UNC13C: variants seen among roughly 807,000 people sequenced by gnomAD.
UNC13C encodes protein unc-13 homolog C.
In UNC13C, 174 loss-of-function variants were observed where a neutral mutation model predicts 245.4. The ratio of observed to expected loss-of-function variants is 0.71; its 90% confidence interval spans 0.63 to 0.80. The LOEUF (loss-of-function observed/expected upper bound fraction) is 0.80. UNC13C is among the 30% of genes least tolerant of loss of function. The probability of loss-of-function intolerance (pLI) is 0.00; values close to 1 mark genes in which losing one functional copy is unlikely to be tolerated. For synonymous variants in UNC13C, 992 were observed against 895.1 expected, an observed-to-expected ratio of 1.11 and a Z score of -1.93; for missense variants, 2,829 against 2,602.9, an observed-to-expected ratio of 1.09 and a Z score of -1.89.
At chr15:54,539,812 G>A (rs999249062) in intron 26 of UNC13C, among the ~76,000 whole-genome samples, 3 of 151,934 alleles carry the variant, frequency 2.0e-5, no homozygotes, top group Non-Finnish European at 2.9e-5. Context: ...TCTATAAAAC[G>A]GGGCTAATAG....
chr15:53,915,598 A>G, the UNC13C span, among the ~76,000 whole-genome samples: 1 of 152,254 alleles, frequency 6.6e-6, no homozygotes, highest in East Asian at 1.9e-4. Flanking sequence ...AAATAGGCAA[A>G]ATATTTAAGG....
chr15:54,010,965 G>C (rs1161803846), intron 1 of UNC13C, among the ~76,000 whole-genome samples: 4 of 152,200 alleles, frequency 2.6e-5, no homozygotes, highest in Non-Finnish European at 5.9e-5. Context: ...ATACTAAGTG[G>C]CTGAAATGTG....
At chr15:53,997,686 TTCTTC>T (rs879579030) in intron 1 of UNC13C, among the ~76,000 whole-genome samples, 5 of 152,112 alleles carry the variant, frequency 3.3e-5, no homozygotes, top group Admixed American at 6.6e-5. Context: ...TTTCTGGACT[TTCTTC>T]TATTCCAATT....
At position 54,236,515 on chromosome 15, in the gene UNC13C, G is replaced by A. The variant is rs2035705056; in HGVS notation, c.3156+80G>A. ...CTGCACTTACTCATGGGGTAAAAGA[G>A]GGCAAGAATGGAGAAATGAAAAGAC... On this transcript the variant is annotated intron_variant, in intron 6 of 32. Coordinates refer to ENST00000260323, the MANE Select transcript of UNC13C (RefSeq NM_001080534.3). 7.6e-6 allele frequency: 8 copies of A among 1,055,540 alleles called. No individual in the cohort carries two copies. The East Asian group carries it at 2.0e-4, about 26-fold the overall frequency. The allele number at this position is 1,055,540 out of a possible 1,614,324, so 65.4% of individuals were successfully genotyped here.
intron 30 of UNC13C, among the ~76,000 whole-genome samples, chr15:54,579,970 T>C (rs1329465244): frequency 6.6e-6 from 1 of 152,238 alleles, no homozygotes; most frequent in Non-Finnish European, 1.5e-5. Flanking sequence ...TTTTTGTTAC[T>C]GCTGTTTGTT....
rs769903537 is a variant in UNC13C, at chr15:54,338,508, C to CT, written c.4713+23dup. 3.1e-6 allele frequency: 5 copies of CT among 1,608,430 alleles called. No homozygotes were observed. The East Asian group carries it at 1.1e-4, about 36-fold the overall frequency. Reference sequence around the variant, plus strand: ...AGACCCGGTAAGAAAATATGTATGTCTTTTATAATCGCCACTTTTGTTTCT... The same window carrying CT: ...AGACCCGGTAAGAAAATATGTATGTCTTTTTATAATCGCCACTTTTGTTTCT... On this transcript the variant is annotated intron_variant, in intron 17 of 32. Coordinates refer to ENST00000260323, the MANE Select transcript of UNC13C (RefSeq NM_001080534.3).
chr15:54,266,931 T>C (rs926950154), intron 10 of UNC13C, among the ~76,000 whole-genome samples: 11 of 152,072 alleles, frequency 7.2e-5, no homozygotes, highest in Non-Finnish European at 1.2e-4. Flanking sequence ...TGTGGTTCTA[T>C]TCATTCAACG....
chr15:54,106,425 G>A (rs1900448922), intron 2 of UNC13C, among the ~76,000 whole-genome samples: 1 of 152,090 alleles, frequency 6.6e-6, no homozygotes, highest in African/African-American at 2.4e-5. Context: ...AACACATCAA[G>A]CAAAAATATT....
rs552822532 is a variant in UNC13C, at chr15:54,234,886, G to C, written c.3072-144G>C. ...TCACTCAACAAAGTCCTAGAAGCTT[G>C]TATCTTTGCAGCTTTGTGAATCGTT... On this transcript the variant is annotated intron_variant, in intron 4 of 32. Transcript: ENST00000260323. 25 of 674,976 alleles carry C rather than the reference G, an allele frequency of 3.7e-5. No individual in the cohort carries two copies. In the African/African-American group the frequency reaches 4.4e-4, roughly 12 times the overall value. 41.8% of individuals were successfully genotyped at this position (674,976 alleles called of 1,614,324 possible).
At chr15:54,200,632 A>G (rs1284810997) in intron 4 of UNC13C, among the ~76,000 whole-genome samples, 1 of 152,098 alleles carries the variant, frequency 6.6e-6, no homozygotes. Flanking sequence ...GAACAGTAAT[A>G]GTGACACAAC....
chr15:53,999,364 G>A (rs114192447), intron 1 of UNC13C, among the ~76,000 whole-genome samples: 6,324 of 151,616 alleles, frequency 0.042, 451 homozygotes, highest in African/African-American at 0.15. Flanking sequence ...ATAATATGTG[G>A]TTTTGAAGGA....
At chr15:54,069,788 T>C (rs1004163183) in intron 2 of UNC13C, among the ~76,000 whole-genome samples, 3 of 152,190 alleles carry the variant, frequency 2.0e-5, no homozygotes, top group Admixed American at 6.5e-5. Flanking sequence ...CTCCAGGGAT[T>C]CTGCAGCAGT....
intron 16 of UNC13C, among the ~76,000 whole-genome samples, chr15:54,337,117 T>G (rs928243385): frequency 1.3e-5 from 2 of 152,178 alleles, no homozygotes; most frequent in African/African-American, 4.8e-5. Context: ...CATCTCATGT[T>G]TTATTTCTCT....
intron 24 of UNC13C, among the ~76,000 whole-genome samples, chr15:54,523,437 C>G (rs1362883180): frequency 3.9e-5 from 6 of 152,144 alleles, no homozygotes; most frequent in African/African-American, 1.2e-4. Context: ...CCGTCTGCAC[C>G]TGCTTAGAAA....
the UNC13C span, among the ~76,000 whole-genome samples, chr15:53,902,573 G>A: frequency 2.0e-5 from 3 of 152,184 alleles, no homozygotes; most frequent in African/African-American, 7.2e-5. Flanking sequence ...ATAAAATATT[G>A]AGACTAGCAA....
chr15:54,007,302 A>G (rs984845484), intron 1 of UNC13C, among the ~76,000 whole-genome samples: 1 of 152,204 alleles, frequency 6.6e-6, no homozygotes, highest in Non-Finnish European at 1.5e-5. Flanking sequence ...TAAGCAAATA[A>G]CAGTAAAGAG....
chr15:54,454,807 TTCATTC>T (rs1567288296), intron 19 of UNC13C, among the ~76,000 whole-genome samples: 13 of 99,574 alleles, frequency 1.3e-4, no homozygotes, highest in African/African-American at 3.1e-4. Flanking sequence ...TATTTATTCA[TTCATTC>T]ATTCATTCAT....
chr15:54,620,525 G>C (rs753303083), intron 30 of UNC13C, among the ~76,000 whole-genome samples: 5 of 151,982 alleles, frequency 3.3e-5, no homozygotes, highest in African/African-American at 1.2e-4. Context: ...TTAGTTACTC[G>C]TGCTGCGAGA....
chr15:54,626,762 AGAACCATAATGATGCCTAGT>A, intron 32 of UNC13C, 46 bp from the exon 33 acceptor site: 1 of 1,384,340 alleles, frequency 7.2e-7, no homozygotes, highest in Non-Finnish European at 9.9e-7. Context: ...GCAGTATTTG[AGAACCATAATGATGCCTAGT>A]GGAAGTAAAG....
Sources: allele counts gnomAD v4.1 joint callset (sites outside exome capture counted in the v4.1 genomes callset), GRCh38; gene constraint gnomAD v4.1.1; transcripts MANE v1.5; gene names NCBI Gene and HGNC (gene_info 2026-07-23, HGNC 2026-07-21).